The following FHIT variants were observed in gnomAD, a reference collection of about 807,000 sequenced individuals.
FHIT encodes fragile histidine triad diadenosine triphosphatase.
FHIT carries 19 observed loss-of-function variants against 17.9 expected under a neutral mutation model. The observed-to-expected ratio is 1.06, with a 90% confidence interval of 0.74 to 1.56. FHIT has a LOEUF of 1.56. Among genes scored for constraint, FHIT ranks in the 40% most tolerant of loss-of-function variants. The pLI, the probability that FHIT is intolerant of heterozygous loss-of-function variation, is 0.00. For synonymous variants in FHIT, 81 were observed against 69.7 expected (o/e 1.16, Z -0.81); for missense variants, 248 against 189.2 (o/e 1.31, Z -1.82).
At position 60,476,969 on chromosome 3, in the gene FHIT, C is replaced by CTA. The variant is rs747968137; in HGVS notation, c.103+59889_103+59890dup. Among the ~76,000 whole-genome samples, 828 of 149,770 alleles carry CTA rather than the reference C, an allele frequency of 5.5e-3. 2 individuals carry two copies. The highest frequency in any genetic ancestry group is 0.016 in the African/African-American group (669 of 40,890). ...TCAACATTACCATAAACAGAACAAA[C>CTA]TATATATATATATATGTATGGTTTG... On this transcript the variant is annotated intron_variant, in intron 5 of 9. Transcript: ENST00000492590.
intron 5 of FHIT, among the ~76,000 whole-genome samples, chr3:60,275,410 G>A (rs567611702): frequency 6.6e-6 from 1 of 152,238 alleles, no homozygotes; most frequent in South Asian, 2.1e-4. Context: ...TGCAGAACAA[G>A]CCCAGAACTC....
chr3:60,060,104 C>T (rs1468732232), intron 5 of FHIT, among the ~76,000 whole-genome samples: 2 of 151,750 alleles, frequency 1.3e-5, no homozygotes, highest in Admixed American at 6.6e-5. Flanking sequence ...AGGAAAGTGA[C>T]GTTATTAACC....
In FHIT at chr3:60,618,492, G is replaced by T. The variant is rs374950179; in HGVS notation, c.-17-81513C>A. Among the ~76,000 whole-genome samples, 199 of 152,188 alleles carry T rather than the reference G, an allele frequency of 1.3e-3. 1 individual carries two copies. The highest frequency in any genetic ancestry group is 4.7e-3 in the African/African-American group (196 of 41,512). Reference sequence around the variant, plus strand: ...TTGTTCCCTCCATGTGTTGACGTGTGCTCATTATTCAGCTCCCTGTTGTAA... The same window carrying T: ...TTGTTCCCTCCATGTGTTGACGTGTTCTCATTATTCAGCTCCCTGTTGTAA... On this transcript the variant is annotated intron_variant, in intron 4 of 9. Transcript: ENST00000492590.
chr3:60,088,021 G>A (rs923774724), intron 5 of FHIT, among the ~76,000 whole-genome samples: 4 of 152,190 alleles, frequency 2.6e-5, no homozygotes, highest in Non-Finnish European at 5.9e-5. Context: ...TTGAATATCT[G>A]CATCTGCTGA....
intron 7 of FHIT, among the ~76,000 whole-genome samples, chr3:59,973,866 T>C (rs1708293251): frequency 6.6e-6 from 1 of 152,032 alleles, no homozygotes; most frequent in Non-Finnish European, 1.5e-5. Flanking sequence ...AATACAGGTA[T>C]AATGTTTAAA....
chr3:60,765,788 C>T (rs1443389250), intron 4 of FHIT, among the ~76,000 whole-genome samples: 3 of 152,154 alleles, frequency 2.0e-5, no homozygotes, highest in African/African-American at 7.2e-5. Flanking sequence ...GGGTACCATC[C>T]GATCGGCTGC....
chr3:60,224,763 T>A (rs213413), intron 5 of FHIT, among the ~76,000 whole-genome samples: 235 of 151,584 alleles, frequency 1.6e-3, no homozygotes, highest in Non-Finnish European at 2.2e-3. Context: ...TCTTGCTCTG[T>A]CACCCAAGCT....
At chr3:60,053,902 T>C (rs537645890) in intron 5 of FHIT, among the ~76,000 whole-genome samples, 1 of 152,158 alleles carries the variant, frequency 6.6e-6, no homozygotes, top group Non-Finnish European at 1.5e-5. Context: ...GACAGACATA[T>C]GCGAATTCTT....
At chr3:60,327,147 T>C (rs188650074) in intron 5 of FHIT, among the ~76,000 whole-genome samples, 146 of 152,310 alleles carry the variant, frequency 9.6e-4, no homozygotes, top group African/African-American at 3.3e-3. Flanking sequence ...TACCCCTCTA[T>C]AACACAGTCT....
chr3:60,545,866 C>CTT (rs10663822), intron 4 of FHIT, among the ~76,000 whole-genome samples: 144,541 of 152,186 alleles, frequency 0.95, 68,715 homozygotes, highest in East Asian at 1. Flanking sequence ...CCAAATCTCT[C>CTT]TTTGTCTCAT....
At chr3:61,233,438 A>G (rs1452582177) in intron 1 of FHIT, among the ~76,000 whole-genome samples, 1 of 152,258 alleles carries the variant, frequency 6.6e-6, no homozygotes, top group Non-Finnish European at 1.5e-5. Flanking sequence ...AAAAGTATTC[A>G]TAGTATATTT....
In FHIT at chr3:60,398,549, C is replaced by T. The variant is rs180701343; in HGVS notation, c.103+138311G>A. Among the ~76,000 whole-genome samples, 25 of 152,220 alleles carry T rather than the reference C, an allele frequency of 1.6e-4. No homozygotes were observed. The East Asian group carries it at 1.7e-3, about 11-fold the overall frequency. On this transcript the variant is annotated intron_variant, in intron 5 of 9. Coordinates refer to ENST00000492590, the MANE Select transcript of FHIT (RefSeq NM_002012.4). ...AGGGTCAGTCACATAGGTATTAATG[C>T]CACACCCACCCTCCACAATCAGTTA...
In FHIT at chr3:60,639,325, C is replaced by A. The variant is rs374169111; in HGVS notation, c.-17-102346G>T. Among the ~76,000 whole-genome samples, 3 of 152,094 alleles carry A rather than the reference C, an allele frequency of 2.0e-5. No homozygotes were observed. In the East Asian group the frequency reaches 5.8e-4, roughly 29 times the overall value. On this transcript the variant is annotated intron_variant, in intron 4 of 9. Transcript: ENST00000492590. ...AGAAAAGTGATCCCAATACTCCTAA[C>A]GTAATTTCCCCTTGAGATATTTGCA... is the stretch of plus-strand genomic sequence containing the variant.
Position 60,384,266 on chromosome 3 carries a change from T to TAA in FHIT, c.103+152592_103+152593dup, listed in dbSNP as rs536000752. On this transcript the variant is annotated intron_variant, in intron 5 of 9. Transcript: ENST00000492590. ...CTGGTGACAGACCAAGACTCCGTCTTAAAAAAAAAAAAAAAAATTGGAGAT... is the reference window on the plus strand; with the variant it reads ...CTGGTGACAGACCAAGACTCCGTCTTAAAAAAAAAAAAAAAAAAATTGGAGAT... 5.8e-3 allele frequency among the ~76,000 whole-genome samples: 807 copies of TAA among 137,966 alleles called. 9 individuals are homozygous for TAA. Among genetic ancestry groups the TAA allele is most frequent in the African/African-American group, 9.7e-3 (364 of 37,364 alleles). 90.5% of individuals were successfully genotyped at this position (137,966 alleles called of 152,430 possible).
At chr3:60,672,432 T>G (rs944113220) in intron 4 of FHIT, among the ~76,000 whole-genome samples, 1 of 152,110 alleles carries the variant, frequency 6.6e-6, no homozygotes, top group Non-Finnish European at 1.5e-5. Context: ...GGGGTGCTTT[T>G]TGAGCCAGGA....
chr3:60,188,207 C>CTTTTTTTTTTTTTTTTTTTT (rs1210975877), intron 5 of FHIT, among the ~76,000 whole-genome samples: 1 of 125,574 alleles, frequency 8.0e-6, no homozygotes, highest in African/African-American at 3.0e-5. Context: ...CAGTTTCTTT[C>CTTTTTTTTTTTTTTTTTTTT]TTTTTTTTTT....
At chr3:60,359,848 C>A (rs1320201439) in intron 5 of FHIT, among the ~76,000 whole-genome samples, 2 of 152,098 alleles carry the variant, frequency 1.3e-5, no homozygotes, top group Admixed American at 1.3e-4. Flanking sequence ...ATCAGGCTGG[C>A]TTTCTAAGAG....
intron 5 of FHIT, among the ~76,000 whole-genome samples, chr3:60,139,666 T>G (rs1269054283): frequency 6.6e-6 from 1 of 152,138 alleles, no homozygotes; most frequent in Non-Finnish European, 1.5e-5. Flanking sequence ...GCTATTCCAC[T>G]TTGTATTTCT....
chr3:59,834,360 A>C (rs1701267085), intron 8 of FHIT, among the ~76,000 whole-genome samples: 1 of 152,210 alleles, frequency 6.6e-6, no homozygotes, highest in Non-Finnish European at 1.5e-5. Context: ...AGATAGATAG[A>C]TTAGCTAAAT....
Sources: gnomAD v4.1 joint callset for allele counts (sites outside exome capture counted in the v4.1 genomes callset) on GRCh38, gnomAD v4.1.1 for gene constraint, MANE v1.5 for transcripts, NCBI Gene and HGNC (gene_info 2026-07-23, HGNC 2026-07-21) for gene names.